SGSM1: variants seen among roughly 807,000 people sequenced by gnomAD.
SGSM1 encodes the protein small G protein signaling modulator 1, also known as RUN and TBC1 domain containing 2.
Under a neutral mutation model 133.8 loss-of-function variants are expected in SGSM1, and 73 were observed. The ratio of observed to expected loss-of-function variants is 0.55; its 90% CI spans 0.45 to 0.66. The LOEUF (loss-of-function observed/expected upper bound fraction) is 0.66. Among genes scored for constraint, SGSM1 ranks in the 30% least tolerant of loss-of-function variants. The pLI, the probability that SGSM1 is intolerant of heterozygous loss-of-function variation, is 0.00. For missense variants in SGSM1, 1,213 were observed against 1,448.1 expected (o/e 0.84, Z 2.64); for synonymous variants, 563 against 573.0 (o/e 0.98, Z 0.25).
intron 2 of SGSM1, among the ~76,000 whole-genome samples, chr22:24,820,728 T>G (rs1011238958): frequency 4.6e-5 from 7 of 152,148 alleles, no homozygotes; most frequent in Non-Finnish European, 1.0e-4. Flanking sequence ...ACAGGAAACT[T>G]TGATCCATTC....
intron 2 of SGSM1, among the ~76,000 whole-genome samples, chr22:24,837,584 C>A (rs1404913569): frequency 1.8e-5 from 1 of 56,412 alleles, no homozygotes; most frequent in Non-Finnish European, 3.7e-5. Context: ...GGAGACCCCC[C>A]CCCCCCCTTT....
intron 2 of SGSM1, among the ~76,000 whole-genome samples, chr22:24,831,994 G>A (rs1929146060): frequency 6.6e-6 from 1 of 152,232 alleles, no homozygotes. Context: ...CCCACCCAGA[G>A]AGTCGGGGCA....
Position 24,859,851 on chromosome 22 carries a change from G to T in SGSM1, c.926+11G>T. On this transcript the variant is annotated intron_variant, in intron 9 of 24. Coordinates refer to ENST00000400358, the MANE Select transcript of SGSM1 (RefSeq NM_001098497.3). ...GGACTATGAGAAGAGGTAGGGCACTGGGTCTGATACGTATCCCTTGGGTCC... is the reference window on the plus strand; with the variant it reads ...GGACTATGAGAAGAGGTAGGGCACTTGGTCTGATACGTATCCCTTGGGTCC... The T allele has an allele frequency of 6.2e-7, 1 of 1,613,462 alleles. No homozygotes were observed. Among genetic ancestry groups the T allele is most frequent in the African/African-American group, 1.3e-5 (1 of 75,046 alleles).
chr22:24,926,944 G>A lies in SGSM1; in HGVS notation c.*2670G>A, dbSNP rs1934227974. The A allele has an allele frequency of 6.6e-6, 1 of 151,888 alleles. No homozygotes were observed. The highest frequency in any genetic ancestry group is 2.1e-4 in the South Asian group (1 of 4,808). 9.4% of individuals were successfully genotyped at this position (151,888 alleles called of 1,614,324 possible). On this transcript the variant is annotated 3_prime_UTR_variant, in exon 25 of 25. Transcript: ENST00000400358. ...ACTCACACCCCAGTGACCCTATATG[G>A]GGTCAGATTTTTGTAATAGCTGCCT...
chr22:24,926,458 C>T lies in SGSM1; in HGVS notation c.*2184C>T, dbSNP rs1003271795. On this transcript the variant is annotated 3_prime_UTR_variant, in exon 25 of 25. Coordinates refer to ENST00000400358, the MANE Select transcript of SGSM1 (RefSeq NM_001098497.3). ...GGAAGAAATGTGCAAAAGGCCCCTC[C>T]GGAGAAAACTATTTTGCCGTTCAGC... is the stretch of plus-strand genomic sequence containing the variant. 4.2e-5 allele frequency: 6 copies of T among 143,014 alleles called. No homozygotes were observed. The South Asian group carries it at 9.3e-4, about 22-fold the overall frequency. The allele number at this position is 143,014 out of a possible 1,614,324, so 8.9% of individuals were successfully genotyped here.
intron 2 of SGSM1, among the ~76,000 whole-genome samples, chr22:24,833,019 C>G (rs955209289): frequency 6.6e-6 from 1 of 151,842 alleles, no homozygotes; most frequent in African/African-American, 2.4e-5. Flanking sequence ...ACTGCAACCT[C>G]TGCCTCCTGG....
Position 24,898,470 on chromosome 22 carries a change from G to C in SGSM1, c.2521G>C (p.Glu841Gln). Reference protein sequence around the residue: ...EDNLSEEPEMESLFPALASLA... With the variant: ...EDNLSEEPEMQSLFPALASLA... ...CAACCTCTCGGAGGAGCCTGAGATG[G>C]AAAGTCTCTTCCCTGCCCTGGCTTC... The change falls in exon 19 of 25, where the codon GAA (glutamate) becomes CAA (glutamine). Residue 841 changes from glutamate to glutamine, a missense_variant. Glu to Gln is a conservative substitution (Grantham distance 29, BLOSUM62 2). Coordinates refer to ENST00000400358, the MANE Select transcript of SGSM1 (RefSeq NM_001098497.3). The C allele has an allele frequency of 6.2e-7, 1 of 1,613,884 alleles. No individual in the cohort carries two copies.
At chr22:24,897,289 A>G (rs1932943088) in intron 18 of SGSM1, among the ~76,000 whole-genome samples, 1 of 151,990 alleles carries the variant, frequency 6.6e-6, no homozygotes, top group African/African-American at 2.4e-5. Flanking sequence ...CTGAGGCAGG[A>G]GAATCACTTG....
chr22:24,914,466 ACT>A (rs1172313181), intron 22 of SGSM1, among the ~76,000 whole-genome samples: 2 of 130,158 alleles, frequency 1.5e-5, no homozygotes, highest in Non-Finnish European at 3.4e-5. Context: ...ACAGAGCGAG[ACT>A]CTGTCCCCCC....
intron 19 of SGSM1, among the ~76,000 whole-genome samples, chr22:24,899,125 G>A (rs1933031573): frequency 6.6e-6 from 1 of 150,548 alleles, no homozygotes; most frequent in Non-Finnish European, 1.5e-5. Context: ...TAATAGGTAA[G>A]CCATGTAGTA....
intron 20 of SGSM1, among the ~76,000 whole-genome samples, chr22:24,903,120 C>T (rs1285999399): frequency 3.9e-5 from 6 of 151,934 alleles, no homozygotes; most frequent in Admixed American, 6.6e-5. Context: ...CATCTCTGCC[C>T]GGCAGTGCCA....
intron 20 of SGSM1, among the ~76,000 whole-genome samples, chr22:24,903,289 A>G (rs1378947992): frequency 2.0e-5 from 3 of 150,720 alleles, no homozygotes; most frequent in Admixed American, 6.6e-5. Flanking sequence ...GCTCACTGCA[A>G]TCTCCGCCTC....
At chr22:24,858,763 G>A (rs1334768581) in intron 8 of SGSM1, among the ~76,000 whole-genome samples, 2 of 152,060 alleles carry the variant, frequency 1.3e-5, no homozygotes, top group Non-Finnish European at 2.9e-5. Flanking sequence ...GCCTTCCTAT[G>A]GGCACAGCAG....
Position 24,898,052 on chromosome 22 carries a change from G to C in SGSM1, c.2103G>C (p.Gly701=). The change falls in exon 19 of 25, where the codon GGG becomes GGC. Residue 701 remains glycine (G), a synonymous_variant. Coordinates refer to ENST00000400358, the MANE Select transcript of SGSM1 (RefSeq NM_001098497.3). ...LEEKQPKIPN[G]NLVNGTCSPD... ...AGAAACAGCCCAAGATCCCCAATGG[G>C]AACCTAGTGAACGGCACTTGTTCCC... is the stretch of plus-strand genomic sequence containing the variant. 6.2e-7 allele frequency: 1 copy of C among 1,613,926 alleles called. No individual in the cohort carries two copies. Among genetic ancestry groups the C allele is most frequent in the Non-Finnish European group, 8.5e-7 (1 of 1,179,876 alleles).
rs772592836 is a variant in SGSM1 at position 24,897,976 on chromosome 22, T to C, written c.2027T>C (p.Phe676Ser). Residue 676 changes from phenylalanine (F) to serine (S), a missense_variant, in exon 19 of 25, where the codon TTT (phenylalanine) becomes TCT (serine). By Grantham distance (155) the Phe-to-Ser change is radical. Coordinates refer to ENST00000400358, the MANE Select transcript of SGSM1 (RefSeq NM_001098497.3). Reference protein sequence around the residue: ...HSDSSSSTQVFESVDEVEQVE... With the variant: ...HSDSSSSTQVSESVDEVEQVE... ...TTTTGTGCACCTTGTCCTCAGGTGT[T>C]TGAGTCTGTGGATGAGGTGGAGCAG... is the stretch of plus-strand genomic sequence containing the variant. 1 of 1,593,444 alleles carries C rather than the reference T, an allele frequency of 6.3e-7. No individual in the cohort carries two copies. The highest frequency in any genetic ancestry group is 1.1e-5 in the South Asian group (1 of 87,986).
At chr22:24,919,503 G>A (rs1933933737) in intron 23 of SGSM1, among the ~76,000 whole-genome samples, 2 of 152,158 alleles carry the variant, frequency 1.3e-5, no homozygotes, top group South Asian at 4.1e-4. Flanking sequence ...CTTGTCAAAG[G>A]GCAGGGCAAG....
At chr22:24,847,591 T>C in intron 3 of SGSM1, 43 bp from the exon 4 acceptor site, 2 of 1,598,580 alleles carry the variant, frequency 1.3e-6, no homozygotes, top group Non-Finnish European at 1.7e-6. Context: ...GGTGCTGGAG[T>C]GCATGGGCAG....
intron 23 of SGSM1, among the ~76,000 whole-genome samples, chr22:24,919,183 G>A (rs981210478): frequency 2.6e-5 from 4 of 151,676 alleles, no homozygotes; most frequent in African/African-American, 7.3e-5. Flanking sequence ...GAGTAGCTGG[G>A]ATTACAGGCA....
chr22:24,860,361 GA>G (rs1055706752), intron 9 of SGSM1, among the ~76,000 whole-genome samples: 1 of 152,126 alleles, frequency 6.6e-6, no homozygotes, highest in African/African-American at 2.4e-5. Context: ...ACTTTAGGAG[GA>G]ACAAAGAAAG....
Sources: allele counts gnomAD v4.1 joint callset (sites outside exome capture counted in the v4.1 genomes callset), GRCh38; gene constraint gnomAD v4.1.1; transcripts MANE v1.5; gene names NCBI Gene and HGNC (gene_info 2026-07-23, HGNC 2026-07-21).